Variants in KDM5B observed in about 807,000 individuals in gnomAD.
The protein encoded by KDM5B is lysine-specific demethylase 5B.
In KDM5B, 144 loss-of-function variants were observed where a neutral mutation model predicts 193.4. The ratio of observed to expected loss-of-function variants is 0.74; its 90% CI spans 0.65 to 0.86. The LOEUF (loss-of-function observed/expected upper bound fraction) is 0.86. KDM5B is among the 40% of genes least tolerant of loss of function. The pLI is 0.00. For missense variants in KDM5B, 1,833 were observed against 1,886.9 expected (o/e 0.97, Z 0.53); for synonymous variants, 668 against 682.6 (o/e 0.98, Z 0.33).
Position 202,729,725 on chromosome 1 carries a change from C to T in KDM5B, c.4479G>A (p.Leu1493=), listed in dbSNP as rs74624980. The part of the protein sequence containing the change: ...EDAICPAVSC[L]QPEGDEVDWV... ...CACTGACCTCATCTCCTTCTGGCTG[C>T]AGGCAGCTCACAGCTGGGCAGATGG... Residue 1493 remains leucine (L), a synonymous_variant, in exon 26 of 27, where the codon CTG becomes CTA. Coordinates refer to ENST00000367265, the MANE Select transcript of KDM5B (RefSeq NM_006618.5). 9.1e-5 allele frequency: 147 copies of T among 1,613,484 alleles called. No homozygotes were observed. Among genetic ancestry groups the T allele is most frequent in the Non-Finnish European group, 1.2e-4 (136 of 1,179,556 alleles).
intron 1 of KDM5B, chr1:202,797,230 A>G (rs902284486): frequency 6.6e-6 from 1 of 152,202 alleles, no homozygotes; most frequent in African/African-American, 2.4e-5. Context: ...CCAGGGGTCC[A>G]GGGGTAGGCT....
chr1:202,745,424 G>A (rs929308018), intron 16 of KDM5B, among the ~76,000 whole-genome samples: 9 of 152,144 alleles, frequency 5.9e-5, no homozygotes, highest in African/African-American at 1.9e-4. Context: ...AAGTGCCAGG[G>A]ACCTTAACTT....
rs369614851 is a variant in KDM5B at position 202,767,091 on chromosome 1, C to T, written c.577-31G>A. ...AATAACAACTGTACTGATAAATTCC[C>T]TCCTTTTTTTTTTCACATCATAAGT... On this transcript the variant is annotated intron_variant, in intron 4 of 26. Transcript: ENST00000367265. The T allele has an allele frequency of 1.3e-4, 204 of 1,602,438 alleles. 1 individual carries two copies. The Middle Eastern group carries it at 4.1e-3, about 32-fold the overall frequency.
intron 1 of KDM5B, among the ~76,000 whole-genome samples, chr1:202,788,111 T>C (rs1657486717): frequency 6.6e-6 from 1 of 152,186 alleles, no homozygotes; most frequent in Non-Finnish European, 1.5e-5. Context: ...AACACAGCCC[T>C]TTCAAGTGTA....
intron 1 of KDM5B, among the ~76,000 whole-genome samples, chr1:202,792,642 T>C (rs972177513): frequency 2.6e-5 from 4 of 152,274 alleles, no homozygotes; most frequent in African/African-American, 4.8e-5. Flanking sequence ...CAGCTTACTA[T>C]TGTTATTAAT....
Position 202,733,577 on chromosome 1 carries a change from G to C in KDM5B, c.3733C>G (p.Arg1245Gly). Residue 1245 changes from arginine (R) to glycine (G), a missense_variant, in exon 23 of 27, where the codon CGC becomes GGC. Arg to Gly is a moderately radical substitution (Grantham distance 125). Coordinates refer to ENST00000367265, the MANE Select transcript of KDM5B (RefSeq NM_006618.5). ...LLASLQRIRVRLPEGDALRYM... is the reference protein window; with the variant it reads ...LLASLQRIRVGLPEGDALRYM... Reference sequence around the variant, plus strand: ...CGAAGTGCATCTCCCTCAGGAAGGCGAACTCGGATACGCTGAAGGGAGGCG... The same window carrying C: ...CGAAGTGCATCTCCCTCAGGAAGGCCAACTCGGATACGCTGAAGGGAGGCG... 1 of 1,614,096 alleles carries C rather than the reference G, an allele frequency of 6.2e-7. No homozygotes were observed. Among genetic ancestry groups the C allele is most frequent in the Non-Finnish European group, 8.5e-7 (1 of 1,180,012 alleles).
At position 202,733,315 on chromosome 1, in the gene KDM5B, A is replaced by C. The variant is rs1654961385; in HGVS notation, c.3909+86T>G. Reference sequence around the variant, plus strand: ...AACAGTAAAGTGATCACACCAAGGGAATAGCAACACCAAAGCTACAGGTTC... The same window carrying C: ...AACAGTAAAGTGATCACACCAAGGGCATAGCAACACCAAAGCTACAGGTTC... On this transcript the variant is annotated intron_variant, in intron 23 of 26. Transcript: ENST00000367265. The C allele has an allele frequency of 1.6e-5, 23 of 1,474,406 alleles. 1 individual carries two copies. The South Asian group carries it at 3.0e-4, about 19-fold the overall frequency. The allele number at this position is 1,474,406 out of a possible 1,614,324, so 91.3% of individuals were successfully genotyped here. A position where few individuals can be genotyped will look rare whatever the true frequency, so the allele number is the denominator to read the frequency against.
At chr1:202,741,316 C>G (rs775966322) in intron 19 of KDM5B, 51 bp downstream of exon 19, 4 of 1,323,566 alleles carry the variant, frequency 3.0e-6, no homozygotes, top group South Asian at 2.9e-5. Flanking sequence ...TGTGTTTAAG[C>G]TGGAGATAAC....
chr1:202,800,544 T>C (rs1264379771), intron 1 of KDM5B, among the ~76,000 whole-genome samples: 1 of 152,014 alleles, frequency 6.6e-6, no homozygotes, highest in Non-Finnish European at 1.5e-5. Context: ...CTCACTATGT[T>C]TCCCAGGCTG....
rs958980981 is a variant in KDM5B at position 202,727,318 on chromosome 1, G to A, written c.*1718C>T. On this transcript the variant is annotated 3_prime_UTR_variant, in exon 27 of 27. Coordinates refer to ENST00000367265, the MANE Select transcript of KDM5B (RefSeq NM_006618.5). ...CGATGATTCCAAATTGTACTCTGGA[G>A]ACTATTCTTCTCTATTGGCCCCAGA... 6.6e-6 allele frequency: 1 copy of A among 152,246 alleles called. No individual in the cohort carries two copies. Among genetic ancestry groups the A allele is most frequent in the African/African-American group, 2.4e-5 (1 of 41,438 alleles). 9.4% of individuals were successfully genotyped at this position (152,246 alleles called of 1,614,324 possible).
Position 202,750,720 on chromosome 1 carries a change from T to C in KDM5B, c.1760A>G (p.His587Arg), listed in dbSNP as rs776795172. ...EFVITFPRAY[H>R]SGFNQGFNFA... ...ATTAAAACCCTGGTTAAAACCACTGTGGTAGGCTCTTGGAAATGTAATCAC... is the reference window on the plus strand; with the variant it reads ...ATTAAAACCCTGGTTAAAACCACTGCGGTAGGCTCTTGGAAATGTAATCAC... The change falls in exon 13 of 27, where the codon CAC becomes CGC. Residue 587 changes from histidine (H) to arginine (R), a missense_variant. This residue lies in a region of KDM5B where 1,379 missense variants were observed against 1,349.6 expected (regional missense o/e 1.02). Coordinates refer to ENST00000367265, the MANE Select transcript of KDM5B (RefSeq NM_006618.5). The C allele has an allele frequency of 1.9e-6, 3 of 1,613,806 alleles. No individual in the cohort carries two copies. The highest frequency in any genetic ancestry group is 1.7e-6 in the Non-Finnish European group (2 of 1,179,810).
intron 1 of KDM5B, among the ~76,000 whole-genome samples, chr1:202,786,544 T>C (rs1657420911): frequency 6.6e-6 from 1 of 152,172 alleles, no homozygotes; most frequent in Admixed American, 6.5e-5. Context: ...GGTGCAAAAG[T>C]AATCACAGTT....
chr1:202,791,682 C>T (rs1657648968), intron 1 of KDM5B, among the ~76,000 whole-genome samples: 1 of 152,130 alleles, frequency 6.6e-6, no homozygotes, highest in African/African-American at 2.4e-5. Context: ...ACTTGCTAAT[C>T]TTTCTCACCA....
rs150591700 is a variant in KDM5B at position 202,750,550 on chromosome 1, T to C, written c.1821+109A>G. 4.0e-4 allele frequency: 473 copies of C among 1,185,080 alleles called. 1 individual carries two copies. The African/African-American group carries it at 6.3e-3, about 16-fold the overall frequency. 73.4% of individuals were successfully genotyped at this position (1,185,080 alleles called of 1,614,324 possible). On this transcript the variant is annotated intron_variant, in intron 13 of 26. Coordinates refer to ENST00000367265, the MANE Select transcript of KDM5B (RefSeq NM_006618.5). ...TTGGCTTCCGAAAGCGCTGGGATTA[T>C]AGGCATGAGCTACCGCACCCAGCCC...
chr1:202,748,944 C>A lies in KDM5B; in HGVS notation c.2016+1G>T. The A allele has an allele frequency of 6.2e-7, 1 of 1,607,390 alleles. No homozygotes were observed. ...TGCAGTTGGATTTCCATAAGCCTTA[C>A]CAATTTACGGACAGTTTCTCTTAAA... On this transcript the variant is annotated splice_donor_variant, in intron 14 of 26. Coordinates refer to ENST00000367265, the MANE Select transcript of KDM5B (RefSeq NM_006618.5). LOFTEE classifies it high-confidence loss of function.
Position 202,755,257 on chromosome 1 carries a change from T to G in KDM5B, c.1538+14A>C. The stretch of plus-strand genomic sequence containing the variant: ...CATGCATACTACTCATGGGTTCTTT[T>G]TGGAACTTCTCACCAGTGCAAGTAG... On this transcript the variant is annotated intron_variant, in intron 11 of 26. Coordinates refer to ENST00000367265, the MANE Select transcript of KDM5B (RefSeq NM_006618.5). 1 of 1,610,426 alleles carries G rather than the reference T, an allele frequency of 6.2e-7. No homozygotes were observed. The highest frequency in any genetic ancestry group is 8.5e-7 in the Non-Finnish European group (1 of 1,176,918).
Position 202,764,105 on chromosome 1 carries a change from G to A in KDM5B, c.752C>T (p.Ala251Val), listed in dbSNP as rs2102278291. Residue 251 changes from alanine (A) to valine (V), a missense_variant, in exon 6 of 27, where the codon GCC becomes GTC. This residue lies in a region of KDM5B where 355 missense variants were observed against 374.9 expected (regional missense o/e 0.95). Coordinates refer to ENST00000367265, the MANE Select transcript of KDM5B (RefSeq NM_006618.5). ...IKIEPEETTE[A>V]RTHNLRRRMG... ...TCGACGTCTCAGATTATGAGTTCTGGCTTCCGTTGTCTCCTCGGGTTCTAT... is the reference window on the plus strand; with the variant it reads ...TCGACGTCTCAGATTATGAGTTCTGACTTCCGTTGTCTCCTCGGGTTCTAT... 6.3e-7 allele frequency: 1 copy of A among 1,586,966 alleles called. No individual in the cohort carries two copies. Among genetic ancestry groups the A allele is most frequent in the African/African-American group, 1.4e-5 (1 of 73,860 alleles).
At chr1:202,733,924 T>C (rs1456408546) in intron 22 of KDM5B, 38 bp from the exon 23 acceptor site, 1 of 1,570,764 alleles carries the variant, frequency 6.4e-7, no homozygotes, top group Admixed American at 1.8e-5. Flanking sequence ...ATGTCCGAGA[T>C]GGCTTGGCCT....
At position 202,745,876 on chromosome 1, in the gene KDM5B, T is replaced by C; in HGVS notation, c.2305A>G (p.Lys769Glu). ...CACATACTTTTCTTCTTGTTGATCT[T>C]TGCCTCCAAAGCTTCATTCACATTC... ...ALNVNEALEA[K>E]INKKKSLVSF... The change falls in exon 16 of 27, where the codon AAG becomes GAG. Residue 769 changes from lysine (K) to glutamate (E), a missense_variant. Physicochemically the swap from Lys to Glu is moderately conservative, Grantham distance 56. Around this residue, in one of 3 missense-constraint regions of KDM5B, gnomAD observed 1,379 missense variants for 1,349.6 expected, o/e 1.02. Transcript: ENST00000367265. The C allele has an allele frequency of 1.2e-6, 2 of 1,614,094 alleles. No individual in the cohort carries two copies. The highest frequency in any genetic ancestry group is 1.1e-5 in the South Asian group (1 of 91,074).
Sources: allele counts gnomAD v4.1 joint callset (sites outside exome capture counted in the v4.1 genomes callset), GRCh38; gene constraint gnomAD v4.1.1; regional missense constraint gnomAD v4.1.1; transcripts MANE v1.5; gene names NCBI Gene and HGNC (gene_info 2026-07-23, HGNC 2026-07-21).